The following LRRC75A variants were observed in gnomAD, a reference collection of about 807,000 sequenced individuals.
The protein encoded by LRRC75A is leucine rich repeat containing 75A.
A neutral mutation model predicts 26.0 loss-of-function variants in LRRC75A; 12 were observed. The ratio of observed to expected loss-of-function variants is 0.46; its 90% CI spans 0.30 to 0.75. The LOEUF (loss-of-function observed/expected upper bound fraction) is 0.75. Ranked by LOEUF, LRRC75A falls within the 30% of genes least tolerant of loss-of-function variation. The probability of loss-of-function intolerance (pLI) is 0.08; values close to 1 mark genes in which losing one functional copy is unlikely to be tolerated. For synonymous variants in LRRC75A, 223 were observed against 219.3 expected (o/e 1.02, Z -0.15); for missense variants, 410 against 486.6 (o/e 0.84, Z 1.48).
At chr17:16,460,049 G>A (rs1442162292) in intron 2 of LRRC75A, among the ~76,000 whole-genome samples, 1 of 152,174 alleles carries the variant, frequency 6.6e-6, no homozygotes, top group Non-Finnish European at 1.5e-5. Flanking sequence ...GTATTTAGAG[G>A]TGGGGCCTTT....
intron 1 of LRRC75A, among the ~76,000 whole-genome samples, chr17:16,480,521 C>T (rs545871705): frequency 2.0e-5 from 3 of 150,524 alleles, no homozygotes; most frequent in African/African-American, 4.9e-5. Context: ...CCCAGCTACT[C>T]GGGAGGCTGA....
chr17:16,448,135 T>A (rs1010681819), intron 2 of LRRC75A, 175 bp from the exon 3 acceptor site: 4 of 637,622 alleles, frequency 6.3e-6, no homozygotes, highest in African/African-American at 5.5e-5. Context: ...TGCAAACAGA[T>A]CTGCAGGATG....
rs542838226 is a variant in LRRC75A at position 16,473,621 on chromosome 17, T to TG, written c.247-11236dup. 1.4e-3 allele frequency among the ~76,000 whole-genome samples: 216 copies of TG among 152,146 alleles called. 1 individual carries two copies. Among genetic ancestry groups the TG allele is most frequent in the African/African-American group, 4.9e-3 (204 of 41,530 alleles). ...GAGGTCTGAGCCAAGAAACTGCTGG[T>TG]GGGGGGTCATTGGCACCCACTCCCC... On this transcript the variant is annotated intron_variant, in intron 1 of 3. Coordinates refer to ENST00000470794, the MANE Select transcript of LRRC75A (RefSeq NM_001113567.3).
chr17:16,459,406 C>T (rs1026055387), intron 2 of LRRC75A, among the ~76,000 whole-genome samples: 1 of 152,142 alleles, frequency 6.6e-6, no homozygotes, highest in Non-Finnish European at 1.5e-5. Flanking sequence ...GCAACTCAGA[C>T]AGAAGAGGCT....
chr17:16,465,366 A>G (rs898827296), intron 1 of LRRC75A, among the ~76,000 whole-genome samples: 4 of 152,178 alleles, frequency 2.6e-5, no homozygotes, highest in African/African-American at 7.2e-5. Flanking sequence ...TCATTTCCCT[A>G]TCTGTGAAAT....
intron 1 of LRRC75A, among the ~76,000 whole-genome samples, chr17:16,470,853 C>G (rs2093803416): frequency 6.6e-6 from 1 of 152,066 alleles, no homozygotes; most frequent in Non-Finnish European, 1.5e-5. Flanking sequence ...GACCAGAAAT[C>G]TGAAATCAGG....
intron 1 of LRRC75A, among the ~76,000 whole-genome samples, chr17:16,482,933 C>T (rs908948064): frequency 9.9e-5 from 15 of 152,182 alleles, no homozygotes; most frequent in East Asian, 3.9e-4. Flanking sequence ...TCCTGAAGCT[C>T]GGCTGGGGCT....
Position 16,442,143 on chromosome 17 carries a change from T to TA in LRRC75A, c.*1444_*1445insT, listed in dbSNP as rs1161498256. 6.6e-6 allele frequency: 1 copy of TA among 152,310 alleles called. No individual in the cohort carries two copies. The highest frequency in any genetic ancestry group is 1.5e-5 in the Non-Finnish European group (1 of 68,126). 9.4% of individuals were successfully genotyped at this position (152,310 alleles called of 1,614,324 possible). A position where few individuals can be genotyped will look rare whatever the true frequency, so the allele number is the denominator to read the frequency against. On this transcript the variant is annotated 3_prime_UTR_variant, in exon 4 of 4. Transcript: ENST00000470794. The stretch of plus-strand genomic sequence containing the variant: ...TCAGCCTAAGCTCTTAACCCCCTAT[T>TA]CTACAGCTTTAGACTGAAGGCAAAA...
intron 2 of LRRC75A, among the ~76,000 whole-genome samples, chr17:16,458,251 G>A (rs1233302065): frequency 2.6e-5 from 4 of 151,712 alleles, no homozygotes; most frequent in South Asian, 2.1e-4. Flanking sequence ...AGGTTGCAGC[G>A]AGTCGAGATT....
intron 1 of LRRC75A, among the ~76,000 whole-genome samples, chr17:16,479,430 G>T (rs797012818): frequency 8.5e-5 from 13 of 152,314 alleles, no homozygotes; most frequent in Admixed American, 2.6e-4. Context: ...TCTCACCAAG[G>T]CTGCCAAGTA....
intron 1 of LRRC75A, among the ~76,000 whole-genome samples, chr17:16,465,754 C>T (rs1421465595): frequency 6.6e-6 from 1 of 152,246 alleles, no homozygotes; most frequent in Non-Finnish European, 1.5e-5. Flanking sequence ...CCTGCCGTCT[C>T]CCCGCGCCAT....
intron 1 of LRRC75A, among the ~76,000 whole-genome samples, chr17:16,475,809 G>A (rs1355646598): frequency 6.6e-6 from 1 of 152,224 alleles, no homozygotes; most frequent in Non-Finnish European, 1.5e-5. Flanking sequence ...CACTTTGGGA[G>A]GCTGAGGTGG....
Position 16,443,265 on chromosome 17 carries a change from C to CT in LRRC75A, c.*322dup. On this transcript the variant is annotated 3_prime_UTR_variant, in exon 4 of 4. Transcript: ENST00000470794. The stretch of plus-strand genomic sequence containing the variant: ...CTCTTGGTGTTCACAATGGCTCAGG[C>CT]TTACAGTACCTCCAGCCATGTGCCC... 1 of 336,016 alleles carries CT rather than the reference C, an allele frequency of 3.0e-6. No individual in the cohort carries two copies. Among genetic ancestry groups the CT allele is most frequent in the African/African-American group, 2.1e-5 (1 of 47,884 alleles). The allele number at this position is 336,016 out of a possible 1,614,324, so 20.8% of individuals were successfully genotyped here.
intron 1 of LRRC75A, among the ~76,000 whole-genome samples, chr17:16,490,956 C>T (rs967144976): frequency 3.3e-5 from 5 of 152,258 alleles, no homozygotes; most frequent in African/African-American, 1.2e-4. Flanking sequence ...CAAAGGAAAA[C>T]AAGCCACAGA....
At chr17:16,446,044 G>T (rs533246395) in intron 3 of LRRC75A, among the ~76,000 whole-genome samples, 2 of 152,304 alleles carry the variant, frequency 1.3e-5, no homozygotes, top group African/African-American at 4.8e-5. Flanking sequence ...GAGTAGCTGG[G>T]ATTACAGGCG....
intron 1 of LRRC75A, among the ~76,000 whole-genome samples, chr17:16,477,703 C>T (rs2093824408): frequency 6.6e-6 from 1 of 152,202 alleles, no homozygotes; most frequent in Admixed American, 6.5e-5. Context: ...CAAGGGGCTG[C>T]CAGACTGCCA....
rs60977364 is a variant in LRRC75A, at chr17:16,466,682, G to T, written c.247-4296C>A. ...CTCTCGGCTCCCTTTCCGAGCTGCC[G>T]GACCCAGCACACAGCAGCACACGGC... On this transcript the variant is annotated intron_variant, in intron 1 of 3. Coordinates refer to ENST00000470794, the MANE Select transcript of LRRC75A (RefSeq NM_001113567.3). 9.7e-3 allele frequency among the ~76,000 whole-genome samples: 1,472 copies of T among 152,182 alleles called. 25 individuals carry two copies. Among genetic ancestry groups the T allele is most frequent in the African/African-American group, 0.034 (1,421 of 41,530 alleles).
At chr17:16,489,358 G>C (rs2143457598) in intron 1 of LRRC75A, among the ~76,000 whole-genome samples, 1 of 152,300 alleles carries the variant, frequency 6.6e-6, no homozygotes, top group Non-Finnish European at 1.5e-5. Flanking sequence ...TGACATTCCT[G>C]CAGAACAGGG....
intron 3 of LRRC75A, chr17:16,446,964 G>A: frequency 2.7e-6 from 1 of 370,220 alleles, no homozygotes; most frequent in Non-Finnish European, 5.3e-6. Flanking sequence ...AGAACAGAAG[G>A]AGGCACCAGA....
Sources: gnomAD v4.1 joint callset for allele counts (sites outside exome capture counted in the v4.1 genomes callset) on GRCh38, gnomAD v4.1.1 for gene constraint, MANE v1.5 for transcripts, NCBI Gene and HGNC (gene_info 2026-07-23, HGNC 2026-07-21) for gene names.